The following COPRS variants were observed in gnomAD, a reference collection of about 807,000 sequenced individuals.
COPRS encodes cooperator of PRMT5.
In COPRS, 11 loss-of-function variants were observed where a neutral mutation model predicts 19.9. That is an observed-to-expected ratio of 0.55 (90% CI 0.35 to 0.92). COPRS has a LOEUF of 0.92. Ranked by LOEUF, COPRS falls within the 40% of genes least tolerant of loss-of-function variation. The pLI, the probability that COPRS is intolerant of heterozygous loss-of-function variation, is 0.01. For synonymous variants in COPRS, 81 were observed against 82.7 expected (o/e 0.98, Z 0.11); for missense variants, 225 against 229.9 (o/e 0.98, Z 0.14).
Position 31,859,162 on chromosome 17 carries a change from G to C in COPRS, c.38C>G (p.Ala13Gly). 1 of 1,068,672 alleles carries C rather than the reference G, an allele frequency of 9.4e-7. No individual in the cohort carries two copies. Among genetic ancestry groups the C allele is most frequent in the Non-Finnish European group, 1.1e-6 (1 of 885,036 alleles). The allele number at this position is 1,068,672 out of a possible 1,614,324, so 66.2% of individuals were successfully genotyped here. Residue 13 changes from alanine to glycine, a missense_variant, in exon 1 of 4, where the codon GCC (alanine) becomes GGC (glycine). Transcript: ENST00000302362. The stretch of plus-strand genomic sequence containing the variant: ...CGGCGGGCCCCGAGACGGCTCCGCG[G>C]CCCCCTGCGCCTGGGCCCCGGCGGC... ...LQAAGAQAQG[A>G]AEPSRGPPLP...
chr17:31,853,517 T>C (rs1215628611), intron 2 of COPRS, among the ~76,000 whole-genome samples: 1 of 151,984 alleles, frequency 6.6e-6, no homozygotes, highest in Admixed American at 6.6e-5. Flanking sequence ...GCAGCTGGGA[T>C]TACAAGCGCC....
At chr17:31,853,867 G>A (rs572402491) in intron 2 of COPRS, among the ~76,000 whole-genome samples, 15 of 152,216 alleles carry the variant, frequency 9.9e-5, no homozygotes, top group East Asian at 9.7e-4. Flanking sequence ...TCACAATAAC[G>A]GAGGAAAGAC....
At chr17:31,852,789 ACC>A in intron 3 of COPRS, 21 bp downstream of exon 3, 4 of 1,563,826 alleles carry the variant, frequency 2.6e-6, no homozygotes, top group Non-Finnish European at 3.5e-6. Flanking sequence ...CTAGTTCAGG[ACC>A]CCCAGAGACT....
At chr17:31,857,489 T>G (rs1000945528) in intron 1 of COPRS, among the ~76,000 whole-genome samples, 3 of 152,188 alleles carry the variant, frequency 2.0e-5, no homozygotes, top group Non-Finnish European at 4.4e-5. Context: ...AGCTTTATAA[T>G]TCCTCTGCAA....
chr17:31,856,918 G>T, intron 1 of COPRS, 53 bp from the exon 2 acceptor site: 1 of 1,122,818 alleles, frequency 8.9e-7, no homozygotes. Context: ...GGTATGCCCA[G>T]TATTCAGCTA....
At chr17:31,853,115 C>A in intron 2 of COPRS, 85 bp from the exon 3 acceptor site, 1 of 957,802 alleles carries the variant, frequency 1.0e-6, no homozygotes, top group Non-Finnish European at 1.7e-6. Context: ...AGACTTACTA[C>A]GAAGGTAGTA....
intron 2 of COPRS, among the ~76,000 whole-genome samples, chr17:31,854,499 A>G (rs1440021130): frequency 6.6e-6 from 1 of 152,224 alleles, no homozygotes; most frequent in Non-Finnish European, 1.5e-5. Flanking sequence ...ACAGCTGTTC[A>G]AATAAAACAA....
intron 2 of COPRS, among the ~76,000 whole-genome samples, chr17:31,854,480 G>T (rs976759451): frequency 1.4e-5 from 2 of 144,874 alleles, no homozygotes; most frequent in Admixed American, 1.4e-4. Flanking sequence ...ATACCCAAAA[G>T]AACTGAAAAC....
chr17:31,852,343 G>A, intron 3 of COPRS, 35 bp from the exon 4 acceptor site: 1 of 1,545,054 alleles, frequency 6.5e-7, no homozygotes, highest in South Asian at 1.2e-5. Flanking sequence ...TTAAGGGAAG[G>A]AAGGAGGGAA....
chr17:31,859,033 C>G, intron 1 of COPRS, 68 bp downstream of exon 1: 1 of 1,175,348 alleles, frequency 8.5e-7, no homozygotes. Context: ...CCCCGCCCAG[C>G]CCGGCCCCGC....
At chr17:31,857,977 C>A (rs1909414616) in intron 1 of COPRS, among the ~76,000 whole-genome samples, 1 of 152,132 alleles carries the variant, frequency 6.6e-6, no homozygotes, top group South Asian at 2.1e-4. Context: ...CTGGTCACTG[C>A]CGCCCAAGGA....
Position 31,852,831 on chromosome 17 carries a change from TG to T in COPRS, c.365del (p.Ala122GlufsTer32). 1 of 1,613,962 alleles carries T rather than the reference TG, an allele frequency of 6.2e-7. No individual in the cohort carries two copies. The highest frequency in any genetic ancestry group is 8.5e-7 in the Non-Finnish European group (1 of 1,179,814). On this transcript the variant is annotated frameshift_variant, in exon 3 of 4. Transcript: ENST00000302362. LOFTEE classifies it high-confidence loss of function. ...ACCTACCATATGGATTCCCTTGATC[TG>T]CTTTCAACTCCGAGTCCCAGTCCTC... is the stretch of plus-strand genomic sequence containing the variant. ...FNEDWDSELK[A>X]DQGNPYDADD...
In COPRS at chr17:31,852,022, T is replaced by TACCCCAGACTAGGGGTCACTGC. The variant is rs1438150728; in HGVS notation, c.*95_*116dup. 1.3e-5 allele frequency: 15 copies of TACCCCAGACTAGGGGTCACTGC among 1,138,502 alleles called. No homozygotes were observed. The highest frequency in any genetic ancestry group is 2.0e-5 in the Admixed American group (1 of 50,478). 70.5% of individuals were successfully genotyped at this position (1,138,502 alleles called of 1,614,324 possible). A position where few individuals can be genotyped will look rare whatever the true frequency, so the allele number is the denominator to read the frequency against. ...TGTCAATAAGGAACACTGGTCTGTG[T>TACCCCAGACTAGGGGTCACTGC]ACCCCAGACTAGGGGTCACTGCAAA... On this transcript the variant is annotated 3_prime_UTR_variant, in exon 4 of 4. Transcript: ENST00000302362.
chr17:31,858,671 C>T (rs548038610), intron 1 of COPRS: 44 of 1,359,330 alleles, frequency 3.2e-5, no homozygotes, highest in Non-Finnish European at 4.5e-5. Flanking sequence ...CATGTGACAT[C>T]TGGGGCTCAG....
rs770046147 is a variant in COPRS, at chr17:31,858,776, C to A, written c.99+325G>T. On this transcript the variant is annotated intron_variant, in intron 1 of 3. Transcript: ENST00000302362. ...CCCTCACCTGGCCCTCGCCCAGGCT[C>A]CTGGCAGCGGGCCCCGGCTCTCGGT... 2.5e-5 allele frequency: 39 copies of A among 1,550,596 alleles called. No homozygotes were observed. The East Asian group carries it at 7.1e-4, about 28-fold the overall frequency.
At chr17:31,858,944 C>T in intron 1 of COPRS, 157 bp downstream of exon 1, 3 of 1,430,822 alleles carry the variant, frequency 2.1e-6, no homozygotes, top group Non-Finnish European at 2.7e-6. Context: ...CCGTTTTCAG[C>T]TCGAGCGCGA....
chr17:31,852,411 C>T (rs1019125524), intron 3 of COPRS, 103 bp from the exon 4 acceptor site: 87 of 849,136 alleles, frequency 1.0e-4, no homozygotes, highest in Middle Eastern at 2.4e-4. Context: ...GATCCTTGCA[C>T]TTATTTTGTT....
rs931523676 is a variant in COPRS, at chr17:31,853,871, G to T, written c.167-841C>A. On this transcript the variant is annotated intron_variant, in intron 2 of 3. Transcript: ENST00000302362. ...TTCAAAAGGCCTCACAATAACGGAG[G>T]AAAGACTGGGGAAAGATAATGGATT... Among the ~76,000 whole-genome samples the T allele has an allele frequency of 1.3e-4, 20 of 152,166 alleles. 1 individual carries two copies. Among genetic ancestry groups the T allele is most frequent in the Admixed American group, 1.0e-3 (16 of 15,254 alleles).
chr17:31,853,124 T>A, intron 2 of COPRS, 94 bp from the exon 3 acceptor site: 1 of 856,638 alleles, frequency 1.2e-6, no homozygotes, highest in Non-Finnish European at 2.0e-6. Flanking sequence ...ACGAAGGTAG[T>A]AAAACAAGTG....
Sources: gnomAD v4.1 joint callset for allele counts (sites outside exome capture counted in the v4.1 genomes callset) on GRCh38, gnomAD v4.1.1 for gene constraint, MANE v1.5 for transcripts, NCBI Gene and HGNC (gene_info 2026-07-23, HGNC 2026-07-21) for gene names.